The following SASH1 variants were observed in gnomAD, a reference collection of about 807,000 sequenced individuals.
The protein encoded by SASH1 is SAM and SH3 domain containing 1.
A neutral mutation model predicts 125.2 loss-of-function variants in SASH1; 44 were observed. The ratio of observed to expected loss-of-function variants is 0.35; its 90% confidence interval spans 0.28 to 0.45. SASH1 has a LOEUF of 0.45. Ranked by LOEUF, SASH1 falls within the 20% of genes least tolerant of loss-of-function variation. SASH1 has a pLI of 1.00. For synonymous variants in SASH1, 639 were observed against 649.1 expected, an observed-to-expected ratio of 0.98 and a Z score of 0.24; for missense variants, 1,426 against 1,614.5, an observed-to-expected ratio of 0.88 and a Z score of 2.00.
At chr6:148,422,394 G>T (rs1321977596) in intron 2 of SASH1, among the ~76,000 whole-genome samples, 1 of 152,216 alleles carries the variant, frequency 6.6e-6, no homozygotes, top group Non-Finnish European at 1.5e-5. Context: ...ATACGTCAGT[G>T]TGCCACTTTA....
chr6:148,429,037 A>G (rs1477544134), intron 2 of SASH1, among the ~76,000 whole-genome samples: 2 of 152,202 alleles, frequency 1.3e-5, no homozygotes, highest in Non-Finnish European at 2.9e-5. Context: ...CTGACAGGCC[A>G]CTACTGATTT....
At chr6:148,387,905 A>ATTTTTTT (rs71004291) in intron 1 of SASH1, among the ~76,000 whole-genome samples, 4 of 54,020 alleles carry the variant, frequency 7.4e-5, no homozygotes, top group Admixed American at 3.5e-4. Flanking sequence ...CGCCCTGCTA[A>ATTTTTTT]TTTTTTTTTT....
intron 2 of SASH1, among the ~76,000 whole-genome samples, chr6:148,415,864 C>G (rs972950915): frequency 1.3e-5 from 2 of 152,234 alleles, no homozygotes; most frequent in Non-Finnish European, 2.9e-5. Context: ...AGAGGATTCC[C>G]TTTGGCAAGA....
Position 148,549,814 on chromosome 6 carries a change from C to T in SASH1, c.*1256C>T, listed in dbSNP as rs1210935078. On this transcript the variant is annotated 3_prime_UTR_variant, in exon 20 of 20. Transcript: ENST00000367467. ...ACAACTGATTTCAGCACATTCTATC[C>T]TTTTTTTTTTTTGAAATGGAGTTTC... 3 of 309,400 alleles carry T rather than the reference C, an allele frequency of 9.7e-6. No individual in the cohort carries two copies. The highest frequency in any genetic ancestry group is 1.7e-5 in the Non-Finnish European group (3 of 171,676). 19.2% of individuals were successfully genotyped at this position (309,400 alleles called of 1,614,324 possible).
At chr6:148,323,246 G>C (rs1428485957) in intron 1 of SASH1, among the ~76,000 whole-genome samples, 9 of 152,124 alleles carry the variant, frequency 5.9e-5, no homozygotes, top group Admixed American at 5.9e-4. Context: ...CTGACCTCAA[G>C]TGATCTGCCC....
intron 1 of SASH1, among the ~76,000 whole-genome samples, chr6:148,302,582 AATTATGCAC>A (rs1205140831): frequency 1.1e-5 from 1 of 94,320 alleles, no homozygotes; most frequent in African/African-American, 4.5e-5. Flanking sequence ...ATGCTGCAGA[AATTATGCAC>A]ACATACACAC....
intron 1 of SASH1, among the ~76,000 whole-genome samples, chr6:148,350,460 T>G (rs1781688995): frequency 6.6e-6 from 1 of 152,242 alleles, no homozygotes; most frequent in Non-Finnish European, 1.5e-5. Flanking sequence ...AAAAGCTAAT[T>G]GTAGAGTACA....
At chr6:148,210,405 T>C in the SASH1 span, among the ~76,000 whole-genome samples, 2 of 152,180 alleles carry the variant, frequency 1.3e-5, no homozygotes, top group Non-Finnish European at 1.5e-5. Flanking sequence ...TGGTGGCACA[T>C]GCCTATAATC....
chr6:148,375,662 T>A (rs910152491), intron 1 of SASH1, among the ~76,000 whole-genome samples: 6 of 152,336 alleles, frequency 3.9e-5, no homozygotes, highest in African/African-American at 1.4e-4. Flanking sequence ...ATGGCCATGA[T>A]GTCATATGTA....
At position 148,548,340 on chromosome 6, in the gene SASH1, C is replaced by T. The variant is rs759981060; in HGVS notation, c.3526C>T (p.Pro1176Ser). 3.0e-5 allele frequency: 49 copies of T among 1,614,084 alleles called. No homozygotes were observed. The highest frequency in any genetic ancestry group is 3.3e-4 in the Middle Eastern group (2 of 6,084). Residue 1176 changes from proline (P) to serine (S), a missense_variant, in exon 20 of 20, where the codon CCT becomes TCT. By Grantham distance (74) the Pro-to-Ser change is moderately conservative. Coordinates refer to ENST00000367467, the MANE Select transcript of SASH1 (RefSeq NM_015278.5). ...GGAAATCTGCCGAAAGCCCGTCTCTCCTGGGTGCATTTCGTCTGTGTCAGA... is the reference window on the plus strand; with the variant it reads ...GGAAATCTGCCGAAAGCCCGTCTCTTCTGGGTGCATTTCGTCTGTGTCAGA... ...LTEICRKPVS[P>S]GCISSVSDWL...
At chr6:148,324,297 G>T (rs906635419) in intron 1 of SASH1, among the ~76,000 whole-genome samples, 1 of 152,036 alleles carries the variant, frequency 6.6e-6, no homozygotes, top group Non-Finnish European at 1.5e-5. Context: ...CTGAGTTCTA[G>T]ATTATCCATG....
chr6:148,505,699 A>G (rs895933143), intron 8 of SASH1, among the ~76,000 whole-genome samples: 11 of 150,720 alleles, frequency 7.3e-5, no homozygotes, highest in South Asian at 2.1e-4. Context: ...GTGCAGTGGC[A>G]TGATCTCAGC....
intron 1 of SASH1, among the ~76,000 whole-genome samples, chr6:148,324,118 CAAA>C (rs56950339): frequency 3.4e-5 from 2 of 59,442 alleles, no homozygotes; most frequent in East Asian, 1.3e-3. Context: ...GAATCTGTCT[CAAA>C]AAAAAAAAAA....
At chr6:148,419,061 C>T (rs920743954) in intron 2 of SASH1, among the ~76,000 whole-genome samples, 2 of 152,156 alleles carry the variant, frequency 1.3e-5, no homozygotes, top group Non-Finnish European at 1.5e-5. Context: ...TTTCTTGTTG[C>T]TCTGTGAATA....
chr6:148,449,271 T>C (rs1448891053), intron 4 of SASH1, among the ~76,000 whole-genome samples: 2 of 151,298 alleles, frequency 1.3e-5, no homozygotes, highest in Non-Finnish European at 2.9e-5. Context: ...GGTTTCACCA[T>C]ATTGGCCAGG....
chr6:148,277,202 A>C (rs934056515), intron 1 of SASH1, among the ~76,000 whole-genome samples: 5 of 152,212 alleles, frequency 3.3e-5, no homozygotes, highest in Non-Finnish European at 7.3e-5. Context: ...GCAGAAATGC[A>C]CCTGCAGCTG....
At chr6:148,457,835 A>T (rs1351908125) in intron 4 of SASH1, among the ~76,000 whole-genome samples, 1 of 152,228 alleles carries the variant, frequency 6.6e-6, no homozygotes, top group African/African-American at 2.4e-5. Context: ...CCTTCTTCAC[A>T]TGATGACAAG....
At chr6:148,459,492 C>T (rs1203739930) in intron 4 of SASH1, among the ~76,000 whole-genome samples, 1 of 152,300 alleles carries the variant, frequency 6.6e-6, no homozygotes, top group African/African-American at 2.4e-5. Flanking sequence ...GTACAAGTCA[C>T]CAGTTGGTGA....
intron 1 of SASH1, among the ~76,000 whole-genome samples, chr6:148,273,383 T>G (rs1779111140): frequency 6.7e-6 from 1 of 149,384 alleles, no homozygotes; most frequent in African/African-American, 2.5e-5. Context: ...AACCTCTGCC[T>G]CCTGGGTTCA....
Sources: allele counts gnomAD v4.1 joint callset (sites outside exome capture counted in the v4.1 genomes callset), GRCh38; gene constraint gnomAD v4.1.1; transcripts MANE v1.5; gene names NCBI Gene and HGNC (gene_info 2026-07-23, HGNC 2026-07-21).